The following RSBN1 variants were observed in gnomAD, a reference collection of about 807,000 sequenced individuals.
The protein encoded by RSBN1 is round spermatid basic protein 1.
Under a neutral mutation model 74.8 loss-of-function variants are expected in RSBN1, and 23 were observed. The ratio of observed to expected loss-of-function variants is 0.31; its 90% CI spans 0.22 to 0.44. The LOEUF (loss-of-function observed/expected upper bound fraction) is 0.44, where lower values mean the gene tolerates loss of function less well. Ranked by LOEUF, RSBN1 falls within the 20% of genes least tolerant of loss-of-function variation. RSBN1 has a pLI of 1.00. For missense variants in RSBN1, 808 were observed against 1,020.9 expected, an observed-to-expected ratio of 0.79 and a Z score of 2.84; for synonymous variants, 407 against 379.6, an observed-to-expected ratio of 1.07 and a Z score of -0.84.
chr1:113,768,448 A>G (rs1199593170), intron 4 of RSBN1, 59 bp from the exon 5 acceptor site: 3 of 1,405,270 alleles, frequency 2.1e-6, no homozygotes, highest in Non-Finnish European at 1.9e-6. Context: ...ACCAAAAAAA[A>G]ATTAATTAAT....
intron 1 of RSBN1, among the ~76,000 whole-genome samples, chr1:113,800,956 C>T (rs1281106374): frequency 6.6e-6 from 1 of 151,574 alleles, no homozygotes; most frequent in African/African-American, 2.4e-5. Context: ...AAATTTCAAT[C>T]TATCTTCTCA....
intron 1 of RSBN1, among the ~76,000 whole-genome samples, chr1:113,804,401 T>C (rs1224600016): frequency 6.6e-6 from 1 of 152,172 alleles, no homozygotes; most frequent in African/African-American, 2.4e-5. Context: ...TAATTTATAT[T>C]AGGTCACAAA....
chr1:113,789,365 G>T (rs1035906939), intron 2 of RSBN1, among the ~76,000 whole-genome samples: 1 of 152,156 alleles, frequency 6.6e-6, no homozygotes, highest in South Asian at 2.1e-4. Context: ...CCAACTCTAC[G>T]GGGAAAGAAG....
At chr1:113,767,744 T>C (rs1431501440) in intron 5 of RSBN1, among the ~76,000 whole-genome samples, 1 of 152,224 alleles carries the variant, frequency 6.6e-6, no homozygotes, top group East Asian at 1.9e-4. Context: ...ATGGATAAAC[T>C]GATTAACAAC....
chr1:113,811,929 G>A lies in RSBN1; in HGVS notation c.484C>T (p.Leu162Phe), dbSNP rs150300706. 3.1e-6 allele frequency: 5 copies of A among 1,601,582 alleles called. No homozygotes were observed. In the African/African-American group the frequency reaches 4.0e-5, roughly 13 times the overall value. ...APAGPAVAAP[L>F]PAPSTSALFT... ...AGGGCCGAGGTGCTTGGGGCCGGGA[G>A]AGGGGCAGCGACAGCGGGCCCGGCG... is the stretch of plus-strand genomic sequence containing the variant. The change falls in exon 1 of 7, where the codon CTC (leucine) becomes TTC (phenylalanine). Residue 162 changes from leucine to phenylalanine, a missense_variant. By Grantham distance (22) the Leu-to-Phe change is conservative. Coordinates refer to ENST00000261441, the MANE Select transcript of RSBN1 (RefSeq NM_018364.5).
At position 113,812,400 on chromosome 1, in the gene RSBN1, C is replaced by T. The variant is rs781545890; in HGVS notation, c.13G>A (p.Gly5Arg). MFIS[G>R]RRTADKWRAE... is the part of the protein sequence containing the mutation. ...CTCCACTTGTCGGCCGTTCTTCGTCCAGAGATGAACATGCCGGAAGCGGCC... is the reference window on the plus strand; with the variant it reads ...CTCCACTTGTCGGCCGTTCTTCGTCTAGAGATGAACATGCCGGAAGCGGCC... The change falls in exon 1 of 7, where the codon GGA (glycine) becomes AGA (arginine). Residue 5 changes from glycine (G) to arginine (R), a missense_variant. Physicochemically the swap from Gly to Arg is moderately radical, Grantham distance 125. This residue lies in a region of RSBN1 where 464 missense variants were observed against 401.0 expected (regional missense o/e 1.16). Coordinates refer to ENST00000261441, the MANE Select transcript of RSBN1 (RefSeq NM_018364.5). 3 of 1,598,082 alleles carry T rather than the reference C, an allele frequency of 1.9e-6. No individual in the cohort carries two copies. In the South Asian group the frequency reaches 3.3e-5, roughly 18 times the overall value.
chr1:113,780,092 A>G (rs1300218151), intron 2 of RSBN1, among the ~76,000 whole-genome samples: 1 of 152,144 alleles, frequency 6.6e-6, no homozygotes, highest in Non-Finnish European at 1.5e-5. Context: ...AAATTCCTTT[A>G]CTAAGAAAGG....
intron 1 of RSBN1, among the ~76,000 whole-genome samples, chr1:113,809,420 T>A (rs1375662601): frequency 6.6e-6 from 1 of 152,240 alleles, no homozygotes; most frequent in Non-Finnish European, 1.5e-5. Context: ...GCCTCCTGCA[T>A]ACCACTGTAA....
At chr1:113,770,637 C>G (rs1297170594) in intron 4 of RSBN1, among the ~76,000 whole-genome samples, 1 of 152,142 alleles carries the variant, frequency 6.6e-6, no homozygotes, top group Non-Finnish European at 1.5e-5. Context: ...AAGTTGACAA[C>G]TGACAATTGT....
intron 2 of RSBN1, among the ~76,000 whole-genome samples, chr1:113,793,406 A>C (rs1480329076): frequency 6.6e-6 from 1 of 152,216 alleles, no homozygotes; most frequent in African/African-American, 2.4e-5. Context: ...TGGATCCTTC[A>C]TATGGATAAA....
At chr1:113,774,182 G>A (rs556302077) in intron 4 of RSBN1, among the ~76,000 whole-genome samples, 5 of 152,176 alleles carry the variant, frequency 3.3e-5, no homozygotes, top group East Asian at 1.9e-4. Context: ...CACCTAACAC[G>A]AATGATTTCC....
Position 113,811,767 on chromosome 1 carries a change from T to G in RSBN1, c.646A>C (p.Lys216Gln), listed in dbSNP as rs1660856269. 1 of 1,613,408 alleles carries G rather than the reference T, an allele frequency of 6.2e-7. No individual in the cohort carries two copies. The highest frequency in any genetic ancestry group is 8.5e-7 in the Non-Finnish European group (1 of 1,179,836). ...SCGTDLKHKD[K>Q]QENGERTGGV... ...CCAGTCCTCTCGCCGTTTTCCTGCT[T>G]GTCCTTGTGCTTGAGATCGGTTCCG... Residue 216 changes from lysine (K) to glutamine (Q), a missense_variant, in exon 1 of 7, where the codon AAG (lysine) becomes CAG (glutamine). By Grantham distance (53) the Lys-to-Gln change is moderately conservative (BLOSUM62 1). Around this residue, in one of 6 missense-constraint regions of RSBN1, gnomAD observed 464 missense variants for 401.0 expected, o/e 1.16. Transcript: ENST00000261441.
At chr1:113,773,053 G>A (rs1659913099) in intron 4 of RSBN1, among the ~76,000 whole-genome samples, 1 of 151,744 alleles carries the variant, frequency 6.6e-6, no homozygotes, top group Non-Finnish European at 1.5e-5. Flanking sequence ...AAACACCGAA[G>A]CTGAAAGCCA....
chr1:113,804,312 T>C (rs1660654228), intron 1 of RSBN1, among the ~76,000 whole-genome samples: 1 of 152,198 alleles, frequency 6.6e-6, no homozygotes, highest in Admixed American at 6.5e-5. Context: ...AAATGTCTAA[T>C]AGGGACCATA....
At chr1:113,788,663 T>C in intron 2 of RSBN1, among the ~76,000 whole-genome samples, 1 of 152,064 alleles carries the variant, frequency 6.6e-6, no homozygotes, top group Admixed American at 6.6e-5. Flanking sequence ...AAATGACCCA[T>C]CAATCAAATG....
At chr1:113,790,075 G>A (rs1011981656) in intron 2 of RSBN1, among the ~76,000 whole-genome samples, 1 of 151,968 alleles carries the variant, frequency 6.6e-6, no homozygotes, top group African/African-American at 2.4e-5. Context: ...AGGGAGAAAG[G>A]AAAAGTTTAT....
At chr1:113,790,366 C>T (rs2101811351) in intron 2 of RSBN1, among the ~76,000 whole-genome samples, 1 of 152,222 alleles carries the variant, frequency 6.6e-6, no homozygotes, top group East Asian at 1.9e-4. Context: ...GTATATTTGA[C>T]AACAGTTTTT....
At chr1:113,771,596 C>T (rs1436809996) in intron 4 of RSBN1, among the ~76,000 whole-genome samples, 1 of 147,114 alleles carries the variant, frequency 6.8e-6, no homozygotes, top group Non-Finnish European at 1.5e-5. Flanking sequence ...TAACTACCAA[C>T]ACCAATGTCC....
intron 1 of RSBN1, among the ~76,000 whole-genome samples, chr1:113,805,400 T>A (rs1660681763): frequency 6.6e-6 from 1 of 151,972 alleles, no homozygotes. Context: ...TTATGAGCAA[T>A]AAGAGGGAGA....
Sources: gnomAD v4.1 joint callset for allele counts (sites outside exome capture counted in the v4.1 genomes callset) on GRCh38, gnomAD v4.1.1 for gene constraint, gnomAD v4.1.1 regional missense constraint, MANE v1.5 for transcripts, NCBI Gene and HGNC (gene_info 2026-07-23, HGNC 2026-07-21) for gene names.